CTNNA3: variants seen among roughly 807,000 people sequenced by gnomAD.
CTNNA3 encodes catenin alpha-3.
Under a neutral mutation model 95.7 loss-of-function variants are expected in CTNNA3, and 76 were observed. That is an observed-to-expected ratio of 0.79 (90% CI 0.66 to 0.96). The LOEUF (loss-of-function observed/expected upper bound fraction) is 0.96. Ranked by LOEUF, CTNNA3 falls within the 40% of genes least tolerant of loss-of-function variation. The pLI, the probability that CTNNA3 is intolerant of heterozygous loss-of-function variation, is 0.00. For synonymous variants in CTNNA3, 431 were observed against 374.4 expected, an observed-to-expected ratio of 1.15 and a Z score of -1.74; for missense variants, 1,191 against 1,089.8, an observed-to-expected ratio of 1.09 and a Z score of -1.31.
At position 66,293,822 on chromosome 10, in the gene CTNNA3, C is replaced by A. The variant is rs572355889; in HGVS notation, c.1733-13201G>T. The stretch of plus-strand genomic sequence containing the variant: ...CTGGGATTACAGGCGCCTGCCACCA[C>A]GCCCGGCTAATTTTTTGTGTTTTTA... On this transcript the variant is annotated intron_variant, in intron 12 of 17. Transcript: ENST00000433211. 1.9e-3 allele frequency among the ~76,000 whole-genome samples: 283 copies of A among 151,994 alleles called. 2 individuals are homozygous for A. The highest frequency in any genetic ancestry group is 3.4e-3 in the Non-Finnish European group (232 of 67,950).
At chr10:66,682,216 C>T (rs900256645) in intron 9 of CTNNA3, among the ~76,000 whole-genome samples, 1 of 152,226 alleles carries the variant, frequency 6.6e-6, no homozygotes, top group African/African-American at 2.4e-5. Flanking sequence ...GAGGGTCTGC[C>T]TCATTTTCTG....
At chr10:65,952,551 T>A (rs1009737788) in intron 17 of CTNNA3, among the ~76,000 whole-genome samples, 1 of 152,196 alleles carries the variant, frequency 6.6e-6, no homozygotes, top group African/African-American at 2.4e-5. Flanking sequence ...TTTCCAATTT[T>A]TTTTTAATTT....
chr10:66,201,445 T>C (rs1297949401), intron 13 of CTNNA3, among the ~76,000 whole-genome samples: 2 of 152,210 alleles, frequency 1.3e-5, no homozygotes, highest in African/African-American at 4.8e-5. Context: ...TAGCAATTGG[T>C]ATTCCTTTAT....
chr10:67,754,672 A>T (rs1007676865), intron 1 of CTNNA3, among the ~76,000 whole-genome samples: 1 of 152,192 alleles, frequency 6.6e-6, no homozygotes, highest in Non-Finnish European at 1.5e-5. Context: ...CAACCAAAGC[A>T]AAAATAGACA....
At chr10:66,902,331 A>G (rs1845786416) in intron 7 of CTNNA3, among the ~76,000 whole-genome samples, 1 of 152,244 alleles carries the variant, frequency 6.6e-6, no homozygotes, top group Non-Finnish European at 1.5e-5. Context: ...CTTTAAAACC[A>G]GTGAGAACAA....
chr10:66,600,851 T>G (rs1843895584), intron 10 of CTNNA3, among the ~76,000 whole-genome samples: 1 of 151,914 alleles, frequency 6.6e-6, no homozygotes. Flanking sequence ...TGGGATATTT[T>G]CTTTATCACG....
At chr10:66,384,021 T>G (rs1260469337) in intron 11 of CTNNA3, among the ~76,000 whole-genome samples, 1 of 152,098 alleles carries the variant, frequency 6.6e-6, no homozygotes, top group African/African-American at 2.4e-5. Context: ...ATCGATGCTA[T>G]GAAGAAACTG....
chr10:66,470,917 G>C (rs1023441447), intron 11 of CTNNA3, among the ~76,000 whole-genome samples: 48 of 151,926 alleles, frequency 3.2e-4, no homozygotes, highest in African/African-American at 9.4e-4. Flanking sequence ...ACTTGTACTG[G>C]AAGAAAAAAG....
At chr10:66,444,056 C>G (rs2093397806) in intron 11 of CTNNA3, among the ~76,000 whole-genome samples, 1 of 152,050 alleles carries the variant, frequency 6.6e-6, no homozygotes, top group African/African-American at 2.4e-5. Context: ...ATGCGATCAA[C>G]TGGAAGAAAG....
At chr10:66,027,865 CT>C in intron 15 of CTNNA3, among the ~76,000 whole-genome samples, 1 of 152,290 alleles carries the variant, frequency 6.6e-6, no homozygotes, top group Non-Finnish European at 1.5e-5. Context: ...GCAGAAATTT[CT>C]TCTTTGAAGA....
At chr10:66,526,116 T>G (rs1340514692) in intron 10 of CTNNA3, among the ~76,000 whole-genome samples, 2 of 152,168 alleles carry the variant, frequency 1.3e-5, no homozygotes, top group African/African-American at 2.4e-5. Context: ...TGACCATTGT[T>G]GTACAAATGC....
At chr10:66,972,770 GT>G (rs954519909) in intron 7 of CTNNA3, among the ~76,000 whole-genome samples, 1 of 143,744 alleles carries the variant, frequency 7.0e-6, no homozygotes, top group Non-Finnish European at 1.5e-5. Context: ...GAGTGCAATG[GT>G]GCAATCTCGG....
rs984154781 is a variant in CTNNA3 at position 66,846,574 on chromosome 10, CATAT to C, written c.1048-71054_1048-71051del. Among the ~76,000 whole-genome samples, 45 of 150,234 alleles carry C rather than the reference CATAT, an allele frequency of 3.0e-4. 1 individual carries two copies. The highest frequency in any genetic ancestry group is 1.1e-3 in the African/African-American group (44 of 40,754). ...TATATCAAAACATCACATTATATAC[CATAT>C]GTGTGTGTGTGTGTGTATATATATA... is the stretch of plus-strand genomic sequence containing the variant. On this transcript the variant is annotated intron_variant, in intron 7 of 17. Transcript: ENST00000433211.
rs80268982 is a variant in CTNNA3, at chr10:66,466,717, T to C, written c.1531+53900A>G. Among the ~76,000 whole-genome samples, 479 of 152,198 alleles carry C rather than the reference T, an allele frequency of 3.1e-3. 4 individuals are homozygous for C. The highest frequency in any genetic ancestry group is 0.011 in the African/African-American group (465 of 41,542). ...AACACAAGTGGGATTTATGAGCTAG[T>C]AGCATTGACATGGCCCAGGAGCTTA... On this transcript the variant is annotated intron_variant, in intron 11 of 17. Coordinates refer to ENST00000433211, the MANE Select transcript of CTNNA3 (RefSeq NM_013266.4).
At chr10:66,690,272 CT>C (rs1294208299) in intron 9 of CTNNA3, among the ~76,000 whole-genome samples, 2 of 151,976 alleles carry the variant, frequency 1.3e-5, no homozygotes, top group Admixed American at 1.3e-4. Context: ...TTTACAGATA[CT>C]TAAATTTGAA....
intron 14 of CTNNA3, among the ~76,000 whole-genome samples, chr10:66,088,133 T>C (rs1288052957): frequency 6.6e-6 from 1 of 151,998 alleles, no homozygotes; most frequent in Non-Finnish European, 1.5e-5. Flanking sequence ...ATGCACAAAC[T>C]CTCAGTAGTA....
intron 11 of CTNNA3, among the ~76,000 whole-genome samples, chr10:66,482,980 T>G (rs927512507): frequency 2.0e-5 from 3 of 152,300 alleles, no homozygotes; most frequent in South Asian, 4.1e-4. Flanking sequence ...ACTCTCATGA[T>G]GACCAGCATC....
rs531564313 is a variant in CTNNA3 at position 67,427,519 on chromosome 10, C to T, written c.579+94323G>A. ...AAAATTCAAAAAACTCATATTACTG[C>T]CGAGAAAGCTCACTGCCTTCTCGAG... On this transcript the variant is annotated intron_variant, in intron 5 of 17. Transcript: ENST00000433211. 2.4e-4 allele frequency among the ~76,000 whole-genome samples: 36 copies of T among 152,032 alleles called. No individual in the cohort carries two copies. In the South Asian group the frequency reaches 6.9e-3, roughly 29 times the overall value.
At position 67,744,106 on chromosome 10, in the gene CTNNA3, C is replaced by T. The variant is rs185043813; in HGVS notation, c.-2+19328G>A. Among the ~76,000 whole-genome samples, 627 of 151,238 alleles carry T rather than the reference C, an allele frequency of 4.1e-3. 14 individuals carry two copies. The highest frequency in any genetic ancestry group is 0.014 in the African/African-American group (588 of 41,346). On this transcript the variant is annotated intron_variant, in intron 1 of 17. Coordinates refer to the CTNNA3 transcript ENST00000684154. ...GGTAATTTATAGATTCAATGCCATC[C>T]CCATCAAGCTGCCAATGACTTTCTT... is the stretch of plus-strand genomic sequence containing the variant.
Sources: gnomAD v4.1 joint callset for allele counts (sites outside exome capture counted in the v4.1 genomes callset) on GRCh38, gnomAD v4.1.1 for gene constraint, MANE v1.5 for transcripts, NCBI Gene and HGNC (gene_info 2026-07-23, HGNC 2026-07-21) for gene names.